FBXL20: variants seen among roughly 807,000 people sequenced by gnomAD.
FBXL20 encodes F-box/LRR-repeat protein 20.
A neutral mutation model predicts 64.0 loss-of-function variants in FBXL20; 11 were observed. The observed-to-expected ratio is 0.17, with a 90% confidence interval of 0.11 to 0.28. FBXL20 has a LOEUF of 0.28. FBXL20 is among the 10% of genes least tolerant of loss of function. The pLI, the probability that FBXL20 is intolerant of heterozygous loss-of-function variation, is 1.00. For synonymous variants in FBXL20, 184 were observed against 189.0 expected (o/e 0.97, Z 0.22); for missense variants, 303 against 526.2 (o/e 0.58, Z 4.15).
At chr17:39,379,086 G>T (rs1456762934) in intron 1 of FBXL20, among the ~76,000 whole-genome samples, 1 of 150,106 alleles carries the variant, frequency 6.7e-6, no homozygotes, top group Non-Finnish European at 1.5e-5. Flanking sequence ...AATTAGCTGG[G>T]GTGGTGGCGC....
At chr17:39,357,267 C>T (rs2047751021) in intron 1 of FBXL20, among the ~76,000 whole-genome samples, 1 of 134,290 alleles carries the variant, frequency 7.4e-6, no homozygotes, top group Non-Finnish European at 1.5e-5. Flanking sequence ...AAGAGCAAAA[C>T]TCTGTCTCAA....
chr17:39,314,547 G>C (rs1169623934), intron 2 of FBXL20, among the ~76,000 whole-genome samples: 1 of 151,974 alleles, frequency 6.6e-6, no homozygotes, highest in African/African-American at 2.4e-5. Context: ...ATATAGTAGA[G>C]ACAGAGTTTC....
chr17:39,297,261 A>G, intron 5 of FBXL20, 66 bp from the exon 6 acceptor site: 1 of 894,648 alleles, frequency 1.1e-6, no homozygotes. Flanking sequence ...TAAAAAAGTA[A>G]TAAAATATAT....
At chr17:39,398,011 T>C (rs908518058) in intron 1 of FBXL20, among the ~76,000 whole-genome samples, 2 of 119,646 alleles carry the variant, frequency 1.7e-5, no homozygotes, top group South Asian at 3.0e-4. Flanking sequence ...CTCACGCCTG[T>C]AATCCCAGCA....
chr17:39,364,165 C>T (rs1458437753), intron 1 of FBXL20, among the ~76,000 whole-genome samples: 1 of 152,112 alleles, frequency 6.6e-6, no homozygotes, highest in African/African-American at 2.4e-5. Context: ...GCTGGGATTA[C>T]AAGATGTGAG....
intron 2 of FBXL20, among the ~76,000 whole-genome samples, chr17:39,333,209 T>C (rs898740667): frequency 2.6e-5 from 4 of 152,312 alleles, no homozygotes; most frequent in Admixed American, 2.6e-4. Flanking sequence ...GAGGCTGGAC[T>C]GTACTGCCGC....
At chr17:39,349,369 A>G (rs1384883948) in intron 1 of FBXL20, among the ~76,000 whole-genome samples, 3 of 138,246 alleles carry the variant, frequency 2.2e-5, no homozygotes, top group African/African-American at 8.0e-5. Flanking sequence ...GATTACAGGT[A>G]TTAAGTCACC....
At chr17:39,263,375 G>A (rs568777262) in intron 14 of FBXL20, among the ~76,000 whole-genome samples, 1 of 152,234 alleles carries the variant, frequency 6.6e-6, no homozygotes, top group East Asian at 1.9e-4. Context: ...AATCAGGCTG[G>A]CGTGATGGCA....
At chr17:39,341,406 T>C (rs1057329339) in intron 2 of FBXL20, among the ~76,000 whole-genome samples, 8 of 152,116 alleles carry the variant, frequency 5.3e-5, no homozygotes, top group African/African-American at 9.7e-5. Context: ...ATAGATAAAA[T>C]ACCTCCAGTG....
intron 9 of FBXL20, among the ~76,000 whole-genome samples, chr17:39,277,775 A>G (rs2046912185): frequency 7.4e-6 from 1 of 136,002 alleles, no homozygotes; most frequent in Non-Finnish European, 1.6e-5. Context: ...AAAAAAAAAA[A>G]GTAAAATTTA....
intron 2 of FBXL20, among the ~76,000 whole-genome samples, chr17:39,332,410 C>T (rs931131962): frequency 2.0e-5 from 3 of 152,148 alleles, no homozygotes; most frequent in Admixed American, 6.5e-5. Flanking sequence ...GTCGTCACAA[C>T]TTGCTCCTGG....
At position 39,256,151 on chromosome 17, in the gene FBXL20, T is replaced by A. The variant is rs775494897; in HGVS notation, c.*5309A>T. ...GCCTGGCCAACATGGCAAAACCCCA[T>A]CTCTATGAAAAATACAAACATTAGC... is the stretch of plus-strand genomic sequence containing the variant. On this transcript the variant is annotated 3_prime_UTR_variant, in exon 15 of 15. Coordinates refer to ENST00000264658, the MANE Select transcript of FBXL20 (RefSeq NM_032875.3). 3 of 151,822 alleles carry A rather than the reference T, an allele frequency of 2.0e-5. No homozygotes were observed. Among genetic ancestry groups the A allele is most frequent in the Non-Finnish European group, 2.9e-5 (2 of 67,996 alleles). The allele number at this position is 151,822 out of a possible 1,614,324, so 9.4% of individuals were successfully genotyped here. A position where few individuals can be genotyped will look rare whatever the true frequency, so the allele number is the denominator to read the frequency against.
At chr17:39,304,170 A>T (rs2047161231) in intron 2 of FBXL20, among the ~76,000 whole-genome samples, 1 of 152,166 alleles carries the variant, frequency 6.6e-6, no homozygotes, top group Non-Finnish European at 1.5e-5. Context: ...ATGCTGACCA[A>T]GTTCAATTAC....
intron 1 of FBXL20, among the ~76,000 whole-genome samples, chr17:39,393,047 G>C (rs1340091220): frequency 6.6e-6 from 1 of 151,850 alleles, no homozygotes; most frequent in African/African-American, 2.4e-5. Context: ...TCAGCACTTT[G>C]GGAAGCCAAG....
In FBXL20 at chr17:39,381,600, G is replaced by A. The variant is rs534384520; in HGVS notation, c.42+19761C>T. Among the ~76,000 whole-genome samples the A allele has an allele frequency of 5.9e-5, 9 of 152,082 alleles. 1 individual carries two copies. The South Asian group carries it at 1.9e-3, about 32-fold the overall frequency. On this transcript the variant is annotated intron_variant, in intron 1 of 14. Transcript: ENST00000264658. ...GAGCCCAGGAGTTTGAGACCAGCCT[G>A]ACAACATGGTGAAACCCCGTGTCTA... is the stretch of plus-strand genomic sequence containing the variant.
chr17:39,350,285 G>A (rs901031058), intron 1 of FBXL20, among the ~76,000 whole-genome samples: 1 of 152,152 alleles, frequency 6.6e-6, no homozygotes, highest in Non-Finnish European at 1.5e-5. Context: ...GAGGCTGGGA[G>A]ATCGAGACCA....
chr17:39,287,616 G>A (rs930657252), intron 6 of FBXL20, among the ~76,000 whole-genome samples: 7 of 152,056 alleles, frequency 4.6e-5, no homozygotes, highest in Non-Finnish European at 8.8e-5. Context: ...TGATGCCCAA[G>A]CTAGTCTCGA....
intron 4 of FBXL20, among the ~76,000 whole-genome samples, chr17:39,300,682 TATAAA>T (rs2047125959): frequency 1.3e-5 from 2 of 152,130 alleles, no homozygotes; most frequent in African/African-American, 4.8e-5. Context: ...AGTAAACAAA[TATAAA>T]ATGTCTTCAC....
rs2046698534 is a variant in FBXL20, at chr17:39,256,683, A to G, written c.*4777T>C. 1 of 152,206 alleles carries G rather than the reference A, an allele frequency of 6.6e-6. No homozygotes were observed. The highest frequency in any genetic ancestry group is 6.5e-5 in the Admixed American group (1 of 15,280). The allele number at this position is 152,206 out of a possible 1,614,324, so 9.4% of individuals were successfully genotyped here. On this transcript the variant is annotated 3_prime_UTR_variant, in exon 15 of 15. Transcript: ENST00000264658. Reference sequence around the variant, plus strand: ...CATAAGGAGGAATAAGGCAAAATAGAGCAATTTCCTTTAAACCCCTCCTCT... The same window carrying G: ...CATAAGGAGGAATAAGGCAAAATAGGGCAATTTCCTTTAAACCCCTCCTCT...
Sources: gnomAD v4.1 joint callset for allele counts (sites outside exome capture counted in the v4.1 genomes callset) on GRCh38, gnomAD v4.1.1 for gene constraint, MANE v1.5 for transcripts, NCBI Gene and HGNC (gene_info 2026-07-23, HGNC 2026-07-21) for gene names.